TBC1D32: variants seen among roughly 807,000 people sequenced by gnomAD.
The protein encoded by TBC1D32 is protein broad-minded.
Under a neutral mutation model 170.3 loss-of-function variants are expected in TBC1D32, and 151 were observed. That is an observed-to-expected ratio of 0.89 (90% CI 0.78 to 1.01). The LOEUF (loss-of-function observed/expected upper bound fraction) is 1.01, where lower values mean the gene tolerates loss of function less well. TBC1D32 is among the 50% of genes least tolerant of loss of function. The probability of loss-of-function intolerance (pLI) is 0.00; values close to 1 mark genes in which losing one functional copy is unlikely to be tolerated. For synonymous variants in TBC1D32, 498 were observed against 488.0 expected (o/e 1.02, Z -0.27); for missense variants, 1,464 against 1,457.1 (o/e 1.00, Z -0.08).
intron 25 of TBC1D32, among the ~76,000 whole-genome samples, chr6:121,130,274 G>C (rs1200406951): frequency 1.3e-5 from 2 of 152,100 alleles, no homozygotes; most frequent in African/African-American, 4.8e-5. Context: ...CTGAGATCAG[G>C]AGTTTGAGAC....
intron 24 of TBC1D32, among the ~76,000 whole-genome samples, chr6:121,132,192 T>C (rs764423419): frequency 4.6e-5 from 7 of 151,998 alleles, no homozygotes; most frequent in Non-Finnish European, 1.0e-4. Context: ...AAATCTTTAG[T>C]CAATCATTTA....
At chr6:121,275,360 G>A (rs1028729078) in intron 15 of TBC1D32, among the ~76,000 whole-genome samples, 3 of 152,128 alleles carry the variant, frequency 2.0e-5, no homozygotes, top group Non-Finnish European at 4.4e-5. Flanking sequence ...AAACCTTTAT[G>A]TTTCCTGTAT....
chr6:121,186,133 T>C (rs1190976824), intron 22 of TBC1D32, among the ~76,000 whole-genome samples: 2 of 152,142 alleles, frequency 1.3e-5, no homozygotes, highest in Non-Finnish European at 2.9e-5. Context: ...CTAGAGTACT[T>C]CTACTAGAAC....
At chr6:121,214,812 G>C (rs900090057) in intron 21 of TBC1D32, among the ~76,000 whole-genome samples, 20 of 152,148 alleles carry the variant, frequency 1.3e-4, no homozygotes, top group African/African-American at 4.8e-4. Flanking sequence ...CCTCCCATTT[G>C]GTGGGTTCCA....
At chr6:121,201,070 T>A (rs767090679) in intron 22 of TBC1D32, among the ~76,000 whole-genome samples, 1 of 151,396 alleles carries the variant, frequency 6.6e-6, no homozygotes, top group African/African-American at 2.5e-5. Flanking sequence ...TTACTTCACA[T>A]TCTTCGATTA....
chr6:121,243,105 G>C (rs1293626282), intron 17 of TBC1D32, among the ~76,000 whole-genome samples: 1 of 151,726 alleles, frequency 6.6e-6, no homozygotes, highest in African/African-American at 2.4e-5. Context: ...TAGGTATAAT[G>C]AAAATTTTAT....
At chr6:121,334,514 C>G (rs933612202), upstream of TBC1D32, 4 of 1,468,140 alleles carry the variant, frequency 2.7e-6, no homozygotes, top group African/African-American at 5.7e-5. Context: ...CACCCCCACC[C>G]AGCCCCGGCT....
Position 121,303,686 on chromosome 6 carries a change from T to C in TBC1D32, c.1011A>G (p.Gln337=), listed in dbSNP as rs761147953. Residue 337 remains glutamine, a synonymous_variant, in exon 9 of 32, where the codon CAA becomes CAG. Coordinates refer to ENST00000398212, the MANE Select transcript of TBC1D32 (RefSeq NM_152730.6). Reference sequence around the variant, plus strand: ...AAAAGTAGATCGGATCCAAAATCTTTTGTGAGACAACATGGCTTTGATTAT... The same window carrying C: ...AAAAGTAGATCGGATCCAAAATCTTCTGTGAGACAACATGGCTTTGATTAT... ...VKHNQSHVVS[Q]KILDPIYFFA... The C allele has an allele frequency of 2.5e-6, 4 of 1,597,756 alleles. No individual in the cohort carries two copies. Among genetic ancestry groups the C allele is most frequent in the Non-Finnish European group, 3.4e-6 (4 of 1,169,008 alleles).
chr6:121,104,403 T>C (rs1034715245), intron 30 of TBC1D32, among the ~76,000 whole-genome samples: 1 of 151,692 alleles, frequency 6.6e-6, no homozygotes, highest in African/African-American at 2.4e-5. Context: ...TCTATAGCAC[T>C]GATGTAGAAT....
chr6:121,131,543 C>T, intron 25 of TBC1D32, 84 bp downstream of exon 25: 1 of 1,400,958 alleles, frequency 7.1e-7, no homozygotes, highest in South Asian at 1.4e-5. Context: ...TCTACATATG[C>T]CAATACTAAT....
At chr6:121,270,103 A>C (rs1715612201) in intron 15 of TBC1D32, among the ~76,000 whole-genome samples, 1 of 152,170 alleles carries the variant, frequency 6.6e-6, no homozygotes, top group Non-Finnish European at 1.5e-5. Flanking sequence ...TCTGGGACAC[A>C]TTCAAAGCAG....
chr6:121,122,432 A>G (rs796390008), intron 26 of TBC1D32, among the ~76,000 whole-genome samples: 3 of 151,988 alleles, frequency 2.0e-5, no homozygotes, highest in African/African-American at 7.2e-5. Context: ...GACTTTTAAC[A>G]CCACCAATTC....
At chr6:121,275,375 A>G (rs954469834) in intron 15 of TBC1D32, among the ~76,000 whole-genome samples, 2 of 152,260 alleles carry the variant, frequency 1.3e-5, no homozygotes, top group African/African-American at 4.8e-5. Flanking sequence ...CTGTATGCAT[A>G]CATAACTCAA....
intron 5 of TBC1D32, 38 bp from the exon 6 acceptor site, chr6:121,304,871 C>T (rs1017200744): frequency 1.3e-5 from 17 of 1,351,304 alleles, no homozygotes; most frequent in Non-Finnish European, 1.7e-5. Flanking sequence ...TCTAAGATCT[C>T]ACAAGAATAG....
In TBC1D32 at chr6:121,080,720, G is replaced by T; in HGVS notation, c.*51C>A. On this transcript the variant is annotated 3_prime_UTR_variant, in exon 32 of 32. Coordinates refer to ENST00000398212, the MANE Select transcript of TBC1D32 (RefSeq NM_152730.6). The stretch of plus-strand genomic sequence containing the variant: ...ACACAGAAAAACATCAAGCCCCCCT[G>T]CTGTGTTTAAAAATAAATAAAACCT... 1 of 1,570,806 alleles carries T rather than the reference G, an allele frequency of 6.4e-7. No individual in the cohort carries two copies. The highest frequency in any genetic ancestry group is 1.2e-5 in the South Asian group (1 of 83,810).
chr6:121,097,777 A>G (rs394714), intron 30 of TBC1D32, among the ~76,000 whole-genome samples: 10,120 of 152,162 alleles, frequency 0.067, 972 homozygotes, highest in African/African-American at 0.21. Flanking sequence ...ACAATAGCAA[A>G]GACTTGGAAC....
chr6:121,303,794 A>C (rs778912622), intron 8 of TBC1D32, 33 bp from the exon 9 acceptor site: 14 of 1,429,058 alleles, frequency 9.8e-6, no homozygotes, highest in Non-Finnish European at 1.3e-5. Flanking sequence ...ATACAATTAC[A>C]CATATAGTTC....
chr6:121,105,906 G>T, intron 30 of TBC1D32, 117 bp downstream of exon 30: 1 of 1,166,028 alleles, frequency 8.6e-7, no homozygotes. Flanking sequence ...GCTAGCTTGA[G>T]GATTTTAAAT....
At chr6:121,317,409 G>GA in intron 3 of TBC1D32, 86 bp downstream of exon 3, 1 of 1,126,366 alleles carries the variant, frequency 8.9e-7, no homozygotes, top group Non-Finnish European at 1.2e-6. Context: ...AAGAAGGCAG[G>GA]AAAAATATGG....
Sources: allele counts gnomAD v4.1 joint callset (sites outside exome capture counted in the v4.1 genomes callset), GRCh38; gene constraint gnomAD v4.1.1; transcripts MANE v1.5; gene names NCBI Gene and HGNC (gene_info 2026-07-23, HGNC 2026-07-21).